Variants in MROH1 observed in about 807,000 individuals in gnomAD.
MROH1 encodes the protein maestro heat-like repeat-containing protein family member 1.
In MROH1, 117 loss-of-function variants were observed where a neutral mutation model predicts 116.5. That is an observed-to-expected ratio of 1.00 (90% CI 0.86 to 1.17). MROH1 has a LOEUF of 1.17. MROH1 is among the 50% of genes most tolerant of loss of function. The pLI is 0.00. For missense variants in MROH1, 1,873 were observed against 1,338.5 expected, an observed-to-expected ratio of 1.40 and a Z score of -6.23; for synonymous variants, 921 against 583.9, an observed-to-expected ratio of 1.58 and a Z score of -8.32.
At chr8:144,232,474 GTTTATTTATTTATTTA>G (rs782182419) in intron 14 of MROH1, among the ~76,000 whole-genome samples, 1 of 142,670 alleles carries the variant, frequency 7.0e-6, no homozygotes, top group Non-Finnish European at 1.6e-5. Flanking sequence ...TTGTTTGTTT[GTTTATTTATTTATTTA>G]TTTATTTATT....
intron 10 of MROH1, among the ~76,000 whole-genome samples, chr8:144,198,005 C>A (rs1434773961): frequency 6.8e-6 from 1 of 146,922 alleles, no homozygotes; most frequent in African/African-American, 2.5e-5. Flanking sequence ...GCCAAGGTCA[C>A]GCCATTGCAC....
chr8:144,153,905 C>T (rs1323612594), intron 1 of MROH1, among the ~76,000 whole-genome samples: 3 of 152,014 alleles, frequency 2.0e-5, no homozygotes, highest in Non-Finnish European at 4.4e-5. Flanking sequence ...GGACTACAGG[C>T]GCCCACCACC....
chr8:144,223,065 T>A (rs1837128099), intron 13 of MROH1, 43 bp from the exon 14 acceptor site: 1 of 1,610,108 alleles, frequency 6.2e-7, no homozygotes, highest in Admixed American at 1.7e-5. Context: ...GGCATGGCAG[T>A]CTCTGCGTCC....
At chr8:144,183,330 A>G (rs1826145087) in intron 7 of MROH1, among the ~76,000 whole-genome samples, 1 of 151,446 alleles carries the variant, frequency 6.6e-6, no homozygotes, top group Non-Finnish European at 1.5e-5. Context: ...GCAGTGAACC[A>G]AGATCAAGCT....
intron 13 of MROH1, among the ~76,000 whole-genome samples, chr8:144,222,210 T>G (rs1230776890): frequency 1.3e-5 from 2 of 152,142 alleles, no homozygotes. Flanking sequence ...GAAGGGCAGC[T>G]GCCAGTGCCC....
intron 12 of MROH1, among the ~76,000 whole-genome samples, chr8:144,203,700 G>A (rs374003926): frequency 9.2e-5 from 14 of 152,122 alleles, no homozygotes; most frequent in African/African-American, 3.1e-4. Flanking sequence ...CCCACAGAAA[G>A]TAAAGCATCT....
At chr8:144,232,792 C>CTATTTATTTATTTATT (rs113198206) in intron 14 of MROH1, among the ~76,000 whole-genome samples, 2 of 138,018 alleles carry the variant, frequency 1.4e-5, no homozygotes, top group Admixed American at 1.5e-4. Context: ...CGCACCTGGC[C>CTATTTATTTATTTATT]TATTTATTTA....
intron 2 of MROH1, among the ~76,000 whole-genome samples, chr8:144,162,465 G>A (rs1160649682): frequency 1.3e-5 from 2 of 148,290 alleles, no homozygotes; most frequent in African/African-American, 2.5e-5. Context: ...GTGCAATCTC[G>A]GTTCACTGTA....
intron 33 of MROH1, chr8:144,251,505 T>G (rs1842840527): frequency 6.6e-6 from 1 of 152,296 alleles, no homozygotes; most frequent in African/African-American, 2.4e-5. Flanking sequence ...AGTCTGTTGC[T>G]TTTCTTTTAG....
In MROH1 at chr8:144,175,909, C is replaced by T. The variant is rs1376293691; in HGVS notation, c.169-3546C>T. 6.6e-5 allele frequency among the ~76,000 whole-genome samples: 10 copies of T among 152,158 alleles called. No homozygotes were observed. The South Asian group carries it at 1.0e-3, about 16-fold the overall frequency. On this transcript the variant is annotated intron_variant, in intron 4 of 43. Coordinates refer to ENST00000326134, the MANE Select transcript of MROH1 (RefSeq NM_032450.3). ...ACTAAAAATACAAAAATTATCCAGGCGTGGTGGCACGCGCCTGTAGTTCCA... is the reference window on the plus strand; with the variant it reads ...ACTAAAAATACAAAAATTATCCAGGTGTGGTGGCACGCGCCTGTAGTTCCA...
intron 9 of MROH1, 116 bp downstream of exon 9, chr8:144,191,971 C>A (rs745598389): frequency 2.3e-5 from 29 of 1,241,446 alleles, no homozygotes; most frequent in Middle Eastern, 2.1e-4. Context: ...GCCCTGAGTT[C>A]TCTGCTAAGG....
chr8:144,217,494 T>C (rs1835527582), intron 12 of MROH1, among the ~76,000 whole-genome samples: 1 of 152,234 alleles, frequency 6.6e-6, no homozygotes, highest in Admixed American at 6.5e-5. Context: ...GATAAGGGAA[T>C]GCTCAATCTA....
chr8:144,239,081 C>A lies in MROH1; in HGVS notation c.1493C>A (p.Thr498Asn). Residue 498 changes from threonine (T) to asparagine (N), a missense_variant, in exon 16 of 44, where the codon ACT (threonine) becomes AAT (asparagine). Physicochemically the swap from Thr to Asn is moderately conservative, Grantham distance 65. Transcript: ENST00000326134. ...CAGTTCCTCACCCCTGTGCGCTTCA[C>A]TGGGGCCCTGACTCCGCTCTGCAGG... Reference protein sequence around the residue: ...LLQFLTPVRFTGALTPLCRSL... With the variant: ...LLQFLTPVRFNGALTPLCRSL... The A allele has an allele frequency of 1.3e-6, 1 of 777,612 alleles. No individual in the cohort carries two copies. The highest frequency in any genetic ancestry group is 2.4e-6 in the Non-Finnish European group (1 of 417,780). 48.2% of individuals were successfully genotyped at this position (777,612 alleles called of 1,614,324 possible). A position where few individuals can be genotyped will look rare whatever the true frequency, so the allele number is the denominator to read the frequency against.
chr8:144,241,999 C>T (rs956213302), intron 22 of MROH1, among the ~76,000 whole-genome samples: 4 of 152,244 alleles, frequency 2.6e-5, no homozygotes, highest in South Asian at 2.1e-4. Flanking sequence ...CCTTGCTGTG[C>T]GGATGGAGGC....
chr8:144,175,518 C>G (rs770092539), intron 4 of MROH1: 1 of 985,360 alleles, frequency 1.0e-6, no homozygotes, highest in African/African-American at 1.7e-5. Context: ...CGTGCTGCCC[C>G]GGCAGTTAAT....
chr8:144,156,185 C>T (rs1313793778), intron 1 of MROH1, among the ~76,000 whole-genome samples: 3 of 147,482 alleles, frequency 2.0e-5, no homozygotes, highest in East Asian at 4.1e-4. Flanking sequence ...TGTGGTGAGC[C>T]GAGACTGCGC....
rs1004554259 is a variant in MROH1 at position 144,190,688 on chromosome 8, C to T, written c.563-96C>T. The T allele has an allele frequency of 1.8e-5, 26 of 1,462,148 alleles. No homozygotes were observed. In the East Asian group the frequency reaches 2.3e-4, roughly 13 times the overall value. 90.6% of individuals were successfully genotyped at this position (1,462,148 alleles called of 1,614,324 possible). A position where few individuals can be genotyped will look rare whatever the true frequency, so the allele number is the denominator to read the frequency against. On this transcript the variant is annotated intron_variant, in intron 7 of 43. Coordinates refer to ENST00000326134, the MANE Select transcript of MROH1 (RefSeq NM_032450.3). ...GTTCTAGGGAGGGCATCTTGCAGGC[C>T]GTGGGATTTCTGGAAGGGGCAGGAG...
chr8:144,190,682 G>A, intron 7 of MROH1, 102 bp from the exon 8 acceptor site: 5 of 1,427,226 alleles, frequency 3.5e-6, no homozygotes, highest in Non-Finnish European at 2.9e-6. Flanking sequence ...AGGGCATCTT[G>A]CAGGCCGTGG....
At chr8:144,251,880 C>T in intron 33 of MROH1, 1 of 172,324 alleles carries the variant, frequency 5.8e-6, no homozygotes, top group Non-Finnish European at 1.3e-5. Flanking sequence ...GGCGATTGTG[C>T]TGTGTGGTGG....
Sources: gnomAD v4.1 joint callset for allele counts (sites outside exome capture counted in the v4.1 genomes callset) on GRCh38, gnomAD v4.1.1 for gene constraint, MANE v1.5 for transcripts, NCBI Gene and HGNC (gene_info 2026-07-23, HGNC 2026-07-21) for gene names.